Variants in ABR observed in about 807,000 individuals in gnomAD.
The protein encoded by ABR is ABR activator of RhoGEF and GTPase.
ABR carries 35 observed loss-of-function variants against 107.2 expected under a neutral mutation model. That is an observed-to-expected ratio of 0.33 (90% confidence interval 0.25 to 0.43). The LOEUF is 0.43. Among genes scored for constraint, ABR ranks in the 20% least tolerant of loss-of-function variants. ABR has a pLI of 1.00. For synonymous variants in ABR, 498 were observed against 462.0 expected, an observed-to-expected ratio of 1.08 and a Z score of -1.00; for missense variants, 815 against 1,115.2, an observed-to-expected ratio of 0.73 and a Z score of 3.83.
rs1329641404 is a variant in ABR at position 1,078,466 on chromosome 17, C to G, written c.700+864G>C. On this transcript the variant is annotated intron_variant, in intron 6 of 22. Transcript: ENST00000302538. The surrounding 1 kb of genome is among the most constrained non-coding windows in gnomAD (Gnocchi z 7.5). ...TGCCTGGCCCCCGCAGACCCTCTCC[C>G]TGGCCTCAGGGCTACTACGTCTGCG... 6.6e-6 allele frequency among the ~76,000 whole-genome samples: 1 copy of G among 152,166 alleles called. No homozygotes were observed. Among genetic ancestry groups the G allele is most frequent in the Non-Finnish European group, 1.5e-5 (1 of 68,024 alleles).
intron 21 of ABR, among the ~76,000 whole-genome samples, chr17:1,008,683 G>A (rs574068591): frequency 3.9e-5 from 6 of 152,330 alleles, no homozygotes; most frequent in South Asian, 2.1e-4. Context: ...CGAGCCTGGC[G>A]TGGCTGAGCT....
At chr17:1,072,545 G>A (rs2035326289) in intron 8 of ABR, 69 bp downstream of exon 8, 4 of 1,462,460 alleles carry the variant, frequency 2.7e-6, no homozygotes, top group Non-Finnish European at 3.6e-6. Context: ...GCCCGTGTGT[G>A]AGAGAAGGGG....
chr17:1,018,289 A>C (rs534703749), intron 16 of ABR, among the ~76,000 whole-genome samples: 1 of 151,860 alleles, frequency 6.6e-6, no homozygotes, highest in Non-Finnish European at 1.5e-5. Flanking sequence ...TGATTCGCCC[A>C]CCTCGGCCTC....
chr17:1,178,289 C>T (rs893363797), intron 1 of ABR, among the ~76,000 whole-genome samples: 4 of 152,060 alleles, frequency 2.6e-5, no homozygotes, highest in African/African-American at 4.8e-5. Flanking sequence ...TACAAATGCC[C>T]TTGTTGGCTC....
chr17:1,021,515 T>G (rs889400439), intron 16 of ABR, among the ~76,000 whole-genome samples: 8 of 152,192 alleles, frequency 5.3e-5, no homozygotes, highest in African/African-American at 1.9e-4. Flanking sequence ...TAAAAAAAAG[T>G]GCTTCTTCAG....
chr17:1,105,026 T>G (rs1487347602), intron 2 of ABR, among the ~76,000 whole-genome samples: 1 of 146,670 alleles, frequency 6.8e-6, no homozygotes, highest in Non-Finnish European at 1.5e-5. Flanking sequence ...TTTTTTTTTT[T>G]GAGACAGAGT....
intron 1 of ABR, among the ~76,000 whole-genome samples, chr17:1,138,155 C>G (rs1285978668): frequency 6.6e-6 from 1 of 151,946 alleles, no homozygotes; most frequent in Non-Finnish European, 1.5e-5. Context: ...CCACCCGCCT[C>G]AGCCTCCCAA....
intron 2 of ABR, among the ~76,000 whole-genome samples, chr17:1,123,636 G>A (rs1001710413): frequency 5.8e-4 from 88 of 152,338 alleles, no homozygotes; most frequent in African/African-American, 2.0e-3. Flanking sequence ...GCCCCACACC[G>A]GGATTCCGCA....
intron 2 of ABR, among the ~76,000 whole-genome samples, chr17:1,123,966 C>T (rs2039471418): frequency 6.6e-6 from 1 of 152,186 alleles, no homozygotes; most frequent in African/African-American, 2.4e-5. Context: ...CGCCGGCCCC[C>T]TTGCCTCCCA....
chr17:1,178,382 G>T (rs2041985735), intron 1 of ABR, among the ~76,000 whole-genome samples: 1 of 152,058 alleles, frequency 6.6e-6, no homozygotes, highest in African/African-American at 2.4e-5. Flanking sequence ...TGGCCTCATG[G>T]TGAAACCCCA....
chr17:1,181,164 C>A (rs1032413228), upstream of ABR, among the ~76,000 whole-genome samples: 2 of 152,174 alleles, frequency 1.3e-5, no homozygotes, highest in South Asian at 4.1e-4. Flanking sequence ...ACCCGCAGAA[C>A]GCTGGAGGGG....
At chr17:1,132,135 G>A (rs1011883231) in intron 1 of ABR, among the ~76,000 whole-genome samples, 2 of 152,080 alleles carry the variant, frequency 1.3e-5, no homozygotes, top group African/African-American at 4.8e-5. Context: ...TCCAAGGCAG[G>A]AGGATCACTT....
intron 13 of ABR, among the ~76,000 whole-genome samples, 160 bp from the exon 14 acceptor site, chr17:1,056,269 G>A (rs1482713428): frequency 6.6e-6 from 1 of 151,994 alleles, no homozygotes; most frequent in Non-Finnish European, 1.5e-5. Context: ...AGGCCACGGC[G>A]GCCTTATATG....
rs745626653 is a variant in ABR at position 1,079,315 on chromosome 17, C to T, written c.700+15G>A. The T allele has an allele frequency of 9.3e-6, 15 of 1,612,014 alleles. No individual in the cohort carries two copies. The highest frequency in any genetic ancestry group is 1.1e-5 in the South Asian group (1 of 90,686). Reference sequence around the variant, plus strand: ...AAAGGTAGGTGCCTGTAATCCAGCCCGCTCCCCGAGGTACCTTCCATGGTG... The same window carrying T: ...AAAGGTAGGTGCCTGTAATCCAGCCTGCTCCCCGAGGTACCTTCCATGGTG... On this transcript the variant is annotated intron_variant, in intron 6 of 22. Transcript: ENST00000302538.
chr17:1,125,930 G>A (rs2039580183), intron 1 of ABR, among the ~76,000 whole-genome samples: 1 of 152,166 alleles, frequency 6.6e-6, no homozygotes, highest in African/African-American at 2.4e-5. Flanking sequence ...GCCCAAGGCA[G>A]CAGGGCGTGG....
At chr17:1,019,530 G>C (rs1275204578) in intron 16 of ABR, among the ~76,000 whole-genome samples, 1 of 151,898 alleles carries the variant, frequency 6.6e-6, no homozygotes, top group Non-Finnish European at 1.5e-5. Context: ...CGCTCAGAGA[G>C]GCCTGCCTGG....
At chr17:1,059,473 C>T (rs1175993772) in intron 10 of ABR, among the ~76,000 whole-genome samples, 1 of 152,188 alleles carries the variant, frequency 6.6e-6, no homozygotes, top group Non-Finnish European at 1.5e-5. Context: ...CACATTAAAT[C>T]CTGGGTACAA....
intron 1 of ABR, among the ~76,000 whole-genome samples, chr17:1,153,549 G>A (rs1216656103): frequency 8.3e-6 from 1 of 120,386 alleles, no homozygotes; most frequent in South Asian, 3.0e-4. Context: ...GCACACCTGC[G>A]GGAGGGCTGG....
rs1019735502 is a variant in ABR, at chr17:1,070,535, G to A, written c.895-445C>T. 3.3e-5 allele frequency among the ~76,000 whole-genome samples: 5 copies of A among 152,156 alleles called. No homozygotes were observed. Among genetic ancestry groups the A allele is most frequent in the Admixed American group, 6.5e-5 (1 of 15,290 alleles). ...TCCCCGTTTGCAATCCCTCCCGACC[G>A]CGGCGGCGAACTTCATCTAGCCCCG... On this transcript the variant is annotated intron_variant, in intron 8 of 22. Transcript: ENST00000302538. The surrounding 1 kb of genome is among the most constrained non-coding windows in gnomAD (Gnocchi z 4.2).
Sources: gnomAD v4.1 joint callset for allele counts (sites outside exome capture counted in the v4.1 genomes callset) on GRCh38, gnomAD v4.1.1 for gene constraint, Gnocchi (gnomAD v3.1) non-coding constraint, MANE v1.5 for transcripts, NCBI Gene and HGNC (gene_info 2026-07-23, HGNC 2026-07-21) for gene names.